MYT1L: variants seen among roughly 807,000 people sequenced by gnomAD.
MYT1L encodes myelin transcription factor 1 like.
In MYT1L, 12 loss-of-function variants were observed where a neutral mutation model predicts 126.7. That is an observed-to-expected ratio of 0.09 (90% CI 0.06 to 0.15). The LOEUF is 0.15. Ranked by LOEUF, MYT1L falls within the 10% of genes least tolerant of loss-of-function variation. The probability of loss-of-function intolerance (pLI) is 1.00; values close to 1 mark genes in which losing one functional copy is unlikely to be tolerated. For synonymous variants in MYT1L, 541 were observed against 604.2 expected, an observed-to-expected ratio of 0.90 and a Z score of 1.53; for missense variants, 979 against 1,585.2, an observed-to-expected ratio of 0.62 and a Z score of 6.49.
At chr2:2,308,481 T>C (rs1167306626) in intron 1 of MYT1L, among the ~76,000 whole-genome samples, 5 of 146,542 alleles carry the variant, frequency 3.4e-5, no homozygotes, top group South Asian at 2.2e-4. Flanking sequence ...ACTCTATCTA[T>C]ACTCCAACTA....
intron 2 of MYT1L, among the ~76,000 whole-genome samples, chr2:2,262,915 A>AATAT (rs61461867): frequency 1.6e-5 from 1 of 62,490 alleles, no homozygotes; most frequent in African/African-American, 6.8e-5. Context: ...GAGAGGCACA[A>AATAT]ATATATATAT....
At chr2:2,231,601 C>A (rs889530053) in intron 2 of MYT1L, among the ~76,000 whole-genome samples, 3 of 151,982 alleles carry the variant, frequency 2.0e-5, no homozygotes, top group Admixed American at 6.6e-5. Context: ...GCATGCAACA[C>A]CATGCCCAGA....
intron 4 of MYT1L, among the ~76,000 whole-genome samples, chr2:2,013,317 C>T (rs148306682): frequency 6.6e-6 from 1 of 152,236 alleles, no homozygotes; most frequent in Non-Finnish European, 1.5e-5. Context: ...GCATGGGAAC[C>T]CCCTTTGTGC....
chr2:1,999,601 C>G (rs1332710025), intron 4 of MYT1L, among the ~76,000 whole-genome samples: 1 of 151,882 alleles, frequency 6.6e-6, no homozygotes, highest in African/African-American at 2.4e-5. Flanking sequence ...TTTAAATTTA[C>G]CACCCCAAAG....
intron 14 of MYT1L, chr2:1,902,759 G>A (rs2050517178): frequency 2.8e-6 from 1 of 350,984 alleles, no homozygotes; most frequent in Non-Finnish European, 5.4e-6. Flanking sequence ...TATAACATAA[G>A]GGCACTGTCT....
At chr2:1,828,397 T>A (rs1218991860) in intron 21 of MYT1L, 1 of 152,140 alleles carries the variant, frequency 6.6e-6, no homozygotes. Flanking sequence ...ACAGATGGAA[T>A]GAGAAAGAGG....
At position 2,262,923 on chromosome 2, in the gene MYT1L, TATATATATAACCTGTG is replaced by T. The variant is rs1386672478; in HGVS notation, c.-421+21465_-421+21480del. ...CCCAGGTGAGAGGCACAAATATATATATATATATAACCTGTGATATATATATATATATCACAGGTAA... is the reference window on the plus strand; with the variant it reads ...CCCAGGTGAGAGGCACAAATATATATATATATATATATATATCACAGGTAA... On this transcript the variant is annotated intron_variant, in intron 2 of 24. Transcript: ENST00000647738. Among the ~76,000 whole-genome samples the T allele has an allele frequency of 4.4e-4, 41 of 92,636 alleles. 10 individuals carry two copies. Among genetic ancestry groups the T allele is most frequent in the African/African-American group, 1.7e-3 (36 of 21,240 alleles). 60.8% of individuals were successfully genotyped at this position (92,636 alleles called of 152,430 possible). A position where few individuals can be genotyped will look rare whatever the true frequency, so the allele number is the denominator to read the frequency against.
chr2:2,089,343 A>G (rs970538517), intron 3 of MYT1L, among the ~76,000 whole-genome samples: 1 of 152,216 alleles, frequency 6.6e-6, no homozygotes, highest in Non-Finnish European at 1.5e-5. Flanking sequence ...AGTGTTTGCT[A>G]TTGTACCGAA....
rs2091100083 is a variant in MYT1L, at chr2:2,178,736, G to C, written c.-420-5748C>G. Among the ~76,000 whole-genome samples, 3 of 152,240 alleles carry C rather than the reference G, an allele frequency of 2.0e-5. No homozygotes were observed. The South Asian group carries it at 6.2e-4, about 32-fold the overall frequency. On this transcript the variant is annotated intron_variant, in intron 2 of 24. Transcript: ENST00000647738. ...TATCAGCAGTGAAAGCAATCGTAAG[G>C]ATAGTGCAGCCTGCCTCTTCATTTT...
intron 19 of MYT1L, among the ~76,000 whole-genome samples, chr2:1,844,310 A>C (rs922873561): frequency 6.6e-6 from 1 of 152,142 alleles, no homozygotes; most frequent in Non-Finnish European, 1.5e-5. Flanking sequence ...TATACTGCTT[A>C]CTTCTTGCTA....
rs146968785 is a variant in MYT1L at position 2,086,909 on chromosome 2, C to T, written c.-303-32786G>A. Among the ~76,000 whole-genome samples the T allele has an allele frequency of 8.6e-3, 1,308 of 152,306 alleles. 10 individuals carry two copies. Among genetic ancestry groups the T allele is most frequent in the Non-Finnish European group, 0.015 (1,014 of 68,016 alleles). On this transcript the variant is annotated intron_variant, in intron 3 of 24. Transcript: ENST00000647738. ...CGGGGATGCCTGCCCCTCAGATGCC[C>T]CCTGCCAACCTCATGCAGGCCACAG...
intron 8 of MYT1L, among the ~76,000 whole-genome samples, chr2:1,959,701 A>T (rs1159552563): frequency 2.0e-5 from 3 of 152,064 alleles, no homozygotes; most frequent in Admixed American, 6.5e-5. Flanking sequence ...CACCTCCTTT[A>T]CAGCTCTCAG....
chr2:1,980,356 C>T (rs1425426767), intron 5 of MYT1L, among the ~76,000 whole-genome samples: 1 of 148,842 alleles, frequency 6.7e-6, no homozygotes, highest in Non-Finnish European at 1.5e-5. Context: ...TATTTAGATT[C>T]TCCTTGTAAC....
intron 3 of MYT1L, among the ~76,000 whole-genome samples, chr2:2,163,133 G>C (rs1575583458): frequency 2.6e-5 from 4 of 152,196 alleles, no homozygotes; most frequent in Admixed American, 2.6e-4. Flanking sequence ...ACTACCAGCA[G>C]GACCACCTGA....
intron 1 of MYT1L, among the ~76,000 whole-genome samples, chr2:2,321,252 G>C (rs1052299321): frequency 4.6e-5 from 7 of 152,210 alleles, no homozygotes; most frequent in African/African-American, 1.7e-4. Context: ...GGGAGTTTCA[G>C]AGAAGCACAG....
rs60566685 is a variant in MYT1L, at chr2:2,242,564, T to C, written c.-421+41840A>G. ...ATTGCAAAAATAAATTAGTCTTCCA[T>C]TCATCCATAAGCTTCCATTTATCAA... On this transcript the variant is annotated intron_variant, in intron 2 of 24. Coordinates refer to ENST00000647738, the MANE Select transcript of MYT1L (RefSeq NM_001303052.2). 3.5e-3 allele frequency among the ~76,000 whole-genome samples: 537 copies of C among 152,290 alleles called. 13 individuals carry two copies. The East Asian group carries it at 0.062, about 18-fold the overall frequency.
chr2:2,119,397 G>A (rs2080666772), intron 3 of MYT1L, among the ~76,000 whole-genome samples: 1 of 152,046 alleles, frequency 6.6e-6, no homozygotes, highest in African/African-American at 2.4e-5. Flanking sequence ...ATCTTATTTG[G>A]GAGTCATTAC....
At chr2:2,289,270 C>T (rs2095564831) in intron 1 of MYT1L, among the ~76,000 whole-genome samples, 1 of 152,100 alleles carries the variant, frequency 6.6e-6, no homozygotes, top group Non-Finnish European at 1.5e-5. Flanking sequence ...TGCATGTTGG[C>T]CAAAAAGCTT....
chr2:2,083,310 C>T, intron 3 of MYT1L, among the ~76,000 whole-genome samples: 1 of 152,220 alleles, frequency 6.6e-6, no homozygotes, highest in Non-Finnish European at 1.5e-5. Flanking sequence ...ATGAGTGGTG[C>T]CAACCAGTTA....
Sources: gnomAD v4.1 joint callset for allele counts (sites outside exome capture counted in the v4.1 genomes callset) on GRCh38, gnomAD v4.1.1 for gene constraint, MANE v1.5 for transcripts, NCBI Gene and HGNC (gene_info 2026-07-23, HGNC 2026-07-21) for gene names.